TIAM2: variants seen among roughly 807,000 people sequenced by gnomAD.
The protein encoded by TIAM2 is rho guanine nucleotide exchange factor TIAM2.
Under a neutral mutation model 152.9 loss-of-function variants are expected in TIAM2, and 80 were observed. The ratio of observed to expected loss-of-function variants is 0.52; its 90% confidence interval spans 0.44 to 0.63. TIAM2 has a LOEUF of 0.63. Ranked by LOEUF, TIAM2 falls within the 30% of genes least tolerant of loss-of-function variation. The pLI is 0.00. For synonymous variants in TIAM2, 804 were observed against 838.0 expected (o/e 0.96, Z 0.70); for missense variants, 1,965 against 2,120.1 (o/e 0.93, Z 1.44).
chr6:155,049,996 T>G (rs1303514286), intron 1 of TIAM2, among the ~76,000 whole-genome samples: 1 of 152,206 alleles, frequency 6.6e-6, no homozygotes, highest in Non-Finnish European at 1.5e-5. Context: ...TATTTTTGCT[T>G]TAGGTTCAGA....
intron 1 of TIAM2, among the ~76,000 whole-genome samples, chr6:155,029,864 C>A (rs1394036300): frequency 1.3e-5 from 2 of 151,458 alleles, no homozygotes; most frequent in East Asian, 3.9e-4. Flanking sequence ...GTGATCGCGG[C>A]TCACTGCAAC....
chr6:155,105,606 T>C (rs905680493), intron 2 of TIAM2, among the ~76,000 whole-genome samples: 19 of 152,044 alleles, frequency 1.2e-4, no homozygotes, highest in African/African-American at 4.1e-4. Flanking sequence ...AATTTTTTTT[T>C]TTTTCTGTTA....
chr6:155,022,073 C>T (rs551007635), intron 1 of TIAM2, among the ~76,000 whole-genome samples: 1 of 152,258 alleles, frequency 6.6e-6, no homozygotes, highest in African/African-American at 2.4e-5. Flanking sequence ...CTTTTTACTT[C>T]CCTCCTCTGT....
intron 1 of TIAM2, among the ~76,000 whole-genome samples, chr6:155,089,664 G>A (rs1008463270): frequency 6.6e-6 from 1 of 152,124 alleles, no homozygotes; most frequent in Non-Finnish European, 1.5e-5. Flanking sequence ...TCAGATTTCA[G>A]GCTAGTTGTC....
chr6:155,234,611 T>C (rs1344555552), intron 15 of TIAM2, among the ~76,000 whole-genome samples: 3 of 152,204 alleles, frequency 2.0e-5, no homozygotes, highest in Non-Finnish European at 2.9e-5. Context: ...CCTTATGTTG[T>C]TCAGGCTGGT....
chr6:155,027,226 A>G (rs911221064), intron 1 of TIAM2, among the ~76,000 whole-genome samples: 5 of 151,332 alleles, frequency 3.3e-5, no homozygotes, highest in Non-Finnish European at 7.4e-5. Flanking sequence ...GGGTTTCACC[A>G]TGTTGGCCAG....
chr6:155,003,171 A>G (rs924816257), intron 1 of TIAM2, among the ~76,000 whole-genome samples: 14 of 152,322 alleles, frequency 9.2e-5, no homozygotes, highest in African/African-American at 3.4e-4. Context: ...AATGGACTTT[A>G]TCAATAACAA....
rs1468600442 is a variant in TIAM2, at chr6:155,214,684, GTTAT to G, written c.3168+3381_3168+3384del. Among the ~76,000 whole-genome samples the G allele has an allele frequency of 2.0e-5, 3 of 152,136 alleles. No individual in the cohort carries two copies. Among genetic ancestry groups the G allele is most frequent in the Non-Finnish European group, 4.4e-5 (3 of 68,020 alleles). ...TTCTACTTTGTTCTATCTCTAGTGG[GTTAT>G]TTAATTTTGGGAACCCAATATCATA... is the stretch of plus-strand genomic sequence containing the variant. On this transcript the variant is annotated intron_variant, in intron 15 of 26. Transcript: ENST00000682666. This position sits in a 1 kb window ranked among gnomAD's most constrained non-coding sequence, Gnocchi z 5.4.
rs557170749 is a variant in TIAM2, at chr6:155,219,071, A to G, written c.3168+7764A>G. On this transcript the variant is annotated intron_variant, in intron 15 of 26. Transcript: ENST00000682666. ...CAGCCGCCCACCCGTGTTCTTGACC[A>G]TCTCAGCTGCCCACCTATATTCTCG... Among the ~76,000 whole-genome samples, 65 of 152,006 alleles carry G rather than the reference A, an allele frequency of 4.3e-4. No individual in the cohort carries two copies. In the South Asian group the frequency reaches 6.7e-3, roughly 16 times the overall value.
intron 1 of TIAM2, among the ~76,000 whole-genome samples, chr6:155,080,702 G>A (rs1297856469): frequency 6.6e-6 from 1 of 152,032 alleles, no homozygotes; most frequent in African/African-American, 2.4e-5. Flanking sequence ...CAGAGTGCTG[G>A]GATTATAGAC....
chr6:155,137,611 A>G lies in TIAM2; in HGVS notation c.1629A>G (p.Lys543=). 1.9e-6 allele frequency: 3 copies of G among 1,575,652 alleles called. No individual in the cohort carries two copies. Among genetic ancestry groups the G allele is most frequent in the African/African-American group, 1.3e-5 (1 of 74,352 alleles). Residue 543 remains lysine, a splice_region_variant and synonymous_variant, in exon 5 of 27, where the codon AAA becomes AAG. Transcript: ENST00000682666. ...GGAAACAGTACTGGGTAACGCTGAA[A>G]GGTGAGTGCAGTGTCACCTGCTGAG... The part of the protein sequence containing the change: ...RKWKQYWVTL[K]GCTLLFYETY...
intron 1 of TIAM2, among the ~76,000 whole-genome samples, chr6:155,052,129 G>C (rs944118777): frequency 6.6e-6 from 1 of 152,114 alleles, no homozygotes. Flanking sequence ...GTCTCTGTGG[G>C]AAGGAAGAAG....
chr6:155,005,075 A>T, intron 1 of TIAM2: 1 of 374,454 alleles, frequency 2.7e-6, no homozygotes, highest in Non-Finnish European at 4.7e-6. Flanking sequence ...CCAGAGTAGA[A>T]GGCTTGGAGG....
At chr6:155,105,655 C>G (rs896559029) in intron 2 of TIAM2, among the ~76,000 whole-genome samples, 38 of 151,492 alleles carry the variant, frequency 2.5e-4, no homozygotes, top group African/African-American at 8.7e-4. Flanking sequence ...GACAGTCTCC[C>G]TATGTTGCCC....
chr6:155,176,964 C>G lies in TIAM2; in HGVS notation c.2510C>G (p.Thr837Ser). The G allele has an allele frequency of 1.2e-6, 2 of 1,605,988 alleles. No individual in the cohort carries two copies. Among genetic ancestry groups the G allele is most frequent in the Non-Finnish European group, 1.7e-6 (2 of 1,177,568 alleles). Residue 837 changes from threonine to serine, a missense_variant, in exon 10 of 27, where the codon ACT becomes AGT. Coordinates refer to ENST00000682666, the MANE Select transcript of TIAM2 (RefSeq NM_012454.4). ...KPEHRVEDIL[T>S]LACKMRQLEP... ...GAGCACAGAGTAGAAGATATTTTGA[C>G]TTTGGCATGCAAGGTAACGGATTTT...
rs147434442 is a variant in TIAM2 at position 155,014,203 on chromosome 6, T to C, written c.-209+18711T>C. ...CTGTTTGTCCTTGAAAATATATTTT[T>C]CTTTGTCTATTCTTATTTGGTGGAA... On this transcript the variant is annotated intron_variant, in intron 1 of 26. Coordinates refer to ENST00000682666, the MANE Select transcript of TIAM2 (RefSeq NM_012454.4). 1.5e-3 allele frequency among the ~76,000 whole-genome samples: 225 copies of C among 152,348 alleles called. 1 individual carries two copies. The highest frequency in any genetic ancestry group is 5.0e-3 in the African/African-American group (208 of 41,574).
At chr6:155,202,810 G>A (rs1781503529) in intron 14 of TIAM2, among the ~76,000 whole-genome samples, 1 of 150,914 alleles carries the variant, frequency 6.6e-6, no homozygotes, top group African/African-American at 2.4e-5. Context: ...GGCTGAGGTG[G>A]GTGGATCACT....
chr6:155,244,891 CTATT>C (rs1783230031), intron 18 of TIAM2, 108 bp downstream of exon 18: 15 of 1,315,308 alleles, frequency 1.1e-5, no homozygotes, highest in African/African-American at 1.5e-5. Flanking sequence ...TGACTATTGA[CTATT>C]TATTGTCCTG....
At position 155,248,183 on chromosome 6, in the gene TIAM2, A is replaced by AGGCGGCGGCGGCACCTCCG; in HGVS notation, c.3832+9_3832+27dup. On this transcript the variant is annotated splice_donor_region_variant and intron_variant, in intron 20 of 26. Coordinates refer to ENST00000682666, the MANE Select transcript of TIAM2 (RefSeq NM_012454.4). Reference sequence around the variant, plus strand: ...GAGGAGCACTACCACCTGACGGGTGAGGCGGCGGCGGCACCTCCGGGCGAG... The same window carrying AGGCGGCGGCGGCACCTCCG: ...GAGGAGCACTACCACCTGACGGGTGAGGCGGCGGCGGCACCTCCGGGCGGCGGCGGCACCTCCGGGCGAG... 1 of 1,611,926 alleles carries AGGCGGCGGCGGCACCTCCG rather than the reference A, an allele frequency of 6.2e-7. No individual in the cohort carries two copies.
Sources: gnomAD v4.1 joint callset for allele counts (sites outside exome capture counted in the v4.1 genomes callset) on GRCh38, gnomAD v4.1.1 for gene constraint, Gnocchi (gnomAD v3.1) non-coding constraint, MANE v1.5 for transcripts, NCBI Gene and HGNC (gene_info 2026-07-23, HGNC 2026-07-21) for gene names.